PRRX1: variants seen among roughly 807,000 people sequenced by gnomAD.
PRRX1 encodes paired mesoderm homeobox protein 1.
In PRRX1, 8 loss-of-function variants were observed where a neutral mutation model predicts 24.0. That is an observed-to-expected ratio of 0.33 (90% CI 0.20 to 0.60). PRRX1 has a LOEUF of 0.60. Ranked by LOEUF, PRRX1 falls within the 20% of genes least tolerant of loss-of-function variation. The pLI is 0.82. For missense variants in PRRX1, 281 were observed against 322.4 expected (o/e 0.87, Z 0.98); for synonymous variants, 160 against 131.7 (o/e 1.22, Z -1.47).
chr1:170,690,387 T>C (rs1653898131), intron 1 of PRRX1, among the ~76,000 whole-genome samples: 1 of 152,058 alleles, frequency 6.6e-6, no homozygotes, highest in Admixed American at 6.6e-5. Context: ...ATATGAACTA[T>C]AAGCTGAATA....
chr1:170,716,468 C>A (rs1269277868), intron 1 of PRRX1, among the ~76,000 whole-genome samples: 1 of 151,882 alleles, frequency 6.6e-6, no homozygotes, highest in African/African-American at 2.4e-5. Flanking sequence ...CCTGTAGTCC[C>A]AGCTACTCGG....
At chr1:170,681,562 T>C (rs1483940139) in intron 1 of PRRX1, among the ~76,000 whole-genome samples, 1 of 150,704 alleles carries the variant, frequency 6.6e-6, no homozygotes, top group African/African-American at 2.4e-5. Context: ...CTGAAGTCAA[T>C]TACAGGGCTC....
intron 2 of PRRX1, among the ~76,000 whole-genome samples, chr1:170,725,488 G>A (rs1410922957): frequency 6.6e-6 from 1 of 152,098 alleles, no homozygotes; most frequent in Non-Finnish European, 1.5e-5. Context: ...TTCTAGAAGT[G>A]CTGGAACATT....
chr1:170,701,949 A>G (rs1199903297), intron 1 of PRRX1, among the ~76,000 whole-genome samples: 1 of 151,846 alleles, frequency 6.6e-6, no homozygotes, highest in Non-Finnish European at 1.5e-5. Context: ...AACAGTCCCC[A>G]ACCTTTTTGA....
At chr1:170,670,865 T>C (rs1248093177) in intron 1 of PRRX1, among the ~76,000 whole-genome samples, 1 of 152,250 alleles carries the variant, frequency 6.6e-6, no homozygotes, top group East Asian at 1.9e-4. Context: ...AACCAGCATC[T>C]TGGGGATTCT....
intron 1 of PRRX1, among the ~76,000 whole-genome samples, chr1:170,715,017 T>C (rs1654863034): frequency 1.3e-5 from 2 of 152,178 alleles, no homozygotes; most frequent in South Asian, 4.1e-4. Context: ...GTAATTCATG[T>C]ATCCTGCAGC....
Position 170,717,911 on chromosome 1 carries a change from A to G in PRRX1, c.242-1815A>G, listed in dbSNP as rs187273271. 3.3e-5 allele frequency among the ~76,000 whole-genome samples: 5 copies of G among 152,284 alleles called. No homozygotes were observed. The East Asian group carries it at 9.7e-4, about 29-fold the overall frequency. ...GTTGGAATATTTTAGGCATTGGTAG[A>G]TCTCAAAAATTATTATTAAATTTGC... On this transcript the variant is annotated intron_variant, in intron 1 of 3. Coordinates refer to ENST00000239461, the MANE Select transcript of PRRX1 (RefSeq NM_022716.4).
intron 1 of PRRX1, among the ~76,000 whole-genome samples, chr1:170,716,538 C>T (rs1030038906): frequency 9.3e-5 from 14 of 150,932 alleles, no homozygotes; most frequent in Non-Finnish European, 1.5e-4. Flanking sequence ...GAGCCAAGAT[C>T]GCGCCACTGC....
chr1:170,707,116 C>A (rs891368984), intron 1 of PRRX1, among the ~76,000 whole-genome samples: 1 of 151,450 alleles, frequency 6.6e-6, no homozygotes, highest in Non-Finnish European at 1.5e-5. Context: ...AGAGTGAGAC[C>A]CTGTCCTTAA....
rs184789503 is a variant in PRRX1 at position 170,711,942 on chromosome 1, C to G, written c.242-7784C>G. Among the ~76,000 whole-genome samples the G allele has an allele frequency of 2.0e-5, 3 of 152,222 alleles. No individual in the cohort carries two copies. The East Asian group carries it at 5.8e-4, about 29-fold the overall frequency. On this transcript the variant is annotated intron_variant, in intron 1 of 3. Transcript: ENST00000239461. ...AATTTACCAAAATAATCAGACATTT[C>G]TTTTTAAAAGAGTCACTGAATAAAT...
intron 1 of PRRX1, among the ~76,000 whole-genome samples, chr1:170,694,428 A>T (rs1339424478): frequency 6.6e-6 from 1 of 152,156 alleles, no homozygotes; most frequent in Non-Finnish European, 1.5e-5. Flanking sequence ...TATGAAATTT[A>T]TATGAAAATT....
intron 1 of PRRX1, among the ~76,000 whole-genome samples, chr1:170,673,491 A>T (rs1201239264): frequency 6.6e-6 from 1 of 152,056 alleles, no homozygotes; most frequent in Non-Finnish European, 1.5e-5. Context: ...TTCCCATTTC[A>T]TACCTTTTGC....
rs930842840 is a variant in PRRX1, at chr1:170,736,399, C to T, written c.*213C>T. The T allele has an allele frequency of 5.3e-5, 33 of 622,848 alleles. No individual in the cohort carries two copies. Among genetic ancestry groups the T allele is most frequent in the Non-Finnish European group, 8.0e-5 (29 of 361,016 alleles). The allele number at this position is 622,848 out of a possible 1,614,324, so 38.6% of individuals were successfully genotyped here. On this transcript the variant is annotated 3_prime_UTR_variant, in exon 4 of 4. Coordinates refer to ENST00000239461, the MANE Select transcript of PRRX1 (RefSeq NM_022716.4). ...TGTTCCTCCTCCCTCTGGGATACCA[C>T]CACCACTTGTTTCTGTGTGTGTTTA...
chr1:170,697,867 C>T (rs1253284857), intron 1 of PRRX1, among the ~76,000 whole-genome samples: 2 of 148,046 alleles, frequency 1.4e-5, no homozygotes, highest in Non-Finnish European at 3.0e-5. Flanking sequence ...TCTATATATA[C>T]ATATATAAAT....
At chr1:170,730,446 T>G (rs942305895) in intron 3 of PRRX1, 1 of 1,060,756 alleles carries the variant, frequency 9.4e-7, no homozygotes, top group African/African-American at 1.6e-5. Context: ...TCTAGAAATT[T>G]CAGCAGTGAA....
intron 1 of PRRX1, among the ~76,000 whole-genome samples, chr1:170,707,091 C>T (rs1300880091): frequency 2.0e-5 from 3 of 151,554 alleles, no homozygotes; most frequent in Admixed American, 1.3e-4. Flanking sequence ...GCCACCGTAC[C>T]CCAGCCTGGG....
At chr1:170,717,792 C>T (rs552043221) in intron 1 of PRRX1, among the ~76,000 whole-genome samples, 1 of 152,254 alleles carries the variant, frequency 6.6e-6, no homozygotes, top group South Asian at 2.1e-4. Context: ...AATGTAACTA[C>T]TGAAAGGTAT....
At chr1:170,702,196 T>C (rs1654408328) in intron 1 of PRRX1, among the ~76,000 whole-genome samples, 1 of 152,176 alleles carries the variant, frequency 6.6e-6, no homozygotes, top group African/African-American at 2.4e-5. Context: ...CAGGCAGTAA[T>C]GCTCACTCAC....
At chr1:170,669,106 G>A (rs1033860178) in intron 1 of PRRX1, 12 of 152,058 alleles carry the variant, frequency 7.9e-5, no homozygotes, top group Admixed American at 7.9e-4. Context: ...GGAATTTGAA[G>A]TGTGGGGAGA....
Sources: gnomAD v4.1 joint callset for allele counts (sites outside exome capture counted in the v4.1 genomes callset) on GRCh38, gnomAD v4.1.1 for gene constraint, MANE v1.5 for transcripts, NCBI Gene and HGNC (gene_info 2026-07-23, HGNC 2026-07-21) for gene names.